The following NADK2 variants were observed in gnomAD, a reference collection of about 807,000 sequenced individuals.
The protein encoded by NADK2 is NAD kinase domain-containing protein 1, mitochondrial.
Under a neutral mutation model 62.1 loss-of-function variants are expected in NADK2, and 35 were observed. The observed-to-expected ratio is 0.56, with a 90% confidence interval of 0.43 to 0.75. The LOEUF is 0.75. NADK2 is among the 30% of genes least tolerant of loss of function. The pLI is 0.00. For synonymous variants in NADK2, 205 were observed against 207.9 expected, an observed-to-expected ratio of 0.99 and a Z score of 0.12; for missense variants, 439 against 561.3, an observed-to-expected ratio of 0.78 and a Z score of 2.20.
chr5:36,219,522 G>T, intron 5 of NADK2, 74 bp downstream of exon 5: 1 of 1,371,234 alleles, frequency 7.3e-7, no homozygotes, highest in Non-Finnish European at 1.0e-6. Context: ...GATTTGTTCT[G>T]TTTTTTAACA....
rs190440332 is a variant in NADK2 at position 36,227,517 on chromosome 5, T to C, written c.349A>G (p.Ile117Val). 2,049 of 1,558,524 alleles carry C rather than the reference T, an allele frequency of 1.3e-3. 2 individuals carry two copies. The highest frequency in any genetic ancestry group is 1.6e-3 in the Non-Finnish European group (1,828 of 1,151,534). The change falls in exon 2 of 12, where the codon ATT (isoleucine) becomes GTT (valine). Residue 117 changes from isoleucine (I) to valine (V), a missense_variant. Physicochemically the swap from Ile to Val is conservative, Grantham distance 29 (BLOSUM62 3). Transcript: ENST00000381937. ...ATATGTTCTACATTTTTGGTGTGAA[T>C]ATGATGTCGTTCAAGAAGTCCACTG... The part of the protein sequence containing the change: ...SYSGLLERHH[I>V]HTKNVEHIID...
intron 6 of NADK2, among the ~76,000 whole-genome samples, chr5:36,216,533 AATC>A (rs1320489967): frequency 6.6e-6 from 1 of 152,088 alleles, no homozygotes; most frequent in Non-Finnish European, 1.5e-5. Flanking sequence ...TGTTTTGAGA[AATC>A]ATCATGTATA....
At chr5:36,215,327 G>C (rs911131624) in intron 6 of NADK2, among the ~76,000 whole-genome samples, 3 of 152,202 alleles carry the variant, frequency 2.0e-5, no homozygotes, top group Admixed American at 1.3e-4. Context: ...CATACTAACT[G>C]TGTATATTTA....
At chr5:36,226,622 T>C in intron 2 of NADK2, 59 bp from the exon 3 acceptor site, 1 of 1,225,048 alleles carries the variant, frequency 8.2e-7, no homozygotes, top group Non-Finnish European at 1.2e-6. Context: ...ATAACAGGGG[T>C]ATGTTTTCTG....
In NADK2 at chr5:36,228,792, T is replaced by TA. The variant is rs1415075770; in HGVS notation, c.301-1228_301-1227insT. Reference sequence around the variant, plus strand: ...CACCACCACAACCAGCTAATTTATTTTATTTTTTTTTTTGGTAGAAATGGG... The same window carrying TA: ...CACCACCACAACCAGCTAATTTATTTATATTTTTTTTTTTGGTAGAAATGGG... On this transcript the variant is annotated intron_variant, in intron 1 of 11. Transcript: ENST00000381937. 1.8e-3 allele frequency among the ~76,000 whole-genome samples: 275 copies of TA among 149,404 alleles called. 1 individual carries two copies. Among genetic ancestry groups the TA allele is most frequent in the South Asian group, 5.1e-3 (24 of 4,662 alleles).
upstream of NADK2, chr5:36,242,146 C>A (rs1409405452): frequency 1.3e-5 from 2 of 154,464 alleles, no homozygotes; most frequent in African/African-American, 2.4e-5. Context: ...CCGCACCACA[C>A]GCTTCCCCGA....
chr5:36,208,640 G>C (rs1399121788), intron 7 of NADK2: 6 of 1,531,724 alleles, frequency 3.9e-6, no homozygotes, highest in Non-Finnish European at 5.2e-6. Context: ...CTTTAGAGTG[G>C]GTATACTTCT....
intron 4 of NADK2, among the ~76,000 whole-genome samples, chr5:36,224,324 A>G (rs1167476992): frequency 6.6e-6 from 1 of 152,172 alleles, no homozygotes; most frequent in Non-Finnish European, 1.5e-5. Flanking sequence ...TGGGAGGCCA[A>G]GGTGGGTGGA....
chr5:36,232,332 A>G (rs1747738948), intron 1 of NADK2, among the ~76,000 whole-genome samples: 1 of 152,224 alleles, frequency 6.6e-6, no homozygotes, highest in Admixed American at 6.5e-5. Flanking sequence ...TTTCTATGAT[A>G]GCTTAATAAG....
At chr5:36,203,610 A>G (rs1190685826) in intron 8 of NADK2, among the ~76,000 whole-genome samples, 2 of 152,092 alleles carry the variant, frequency 1.3e-5, no homozygotes, top group Non-Finnish European at 2.9e-5. Flanking sequence ...GAAGGCTGAG[A>G]TTTTAATCTA....
At position 36,205,735 on chromosome 5, in the gene NADK2, C is replaced by T. The variant is rs960201033; in HGVS notation, c.956+1435G>A. Among the ~76,000 whole-genome samples the T allele has an allele frequency of 5.9e-5, 9 of 152,006 alleles. No homozygotes were observed. Among genetic ancestry groups the T allele is most frequent in the East Asian group, 1.9e-4 (1 of 5,188 alleles). On this transcript the variant is annotated intron_variant, in intron 8 of 11. Coordinates refer to ENST00000381937, the MANE Select transcript of NADK2 (RefSeq NM_001085411.3). The surrounding 1 kb of genome is among the most constrained non-coding windows in gnomAD (Gnocchi z 4.1). The stretch of plus-strand genomic sequence containing the variant: ...GCAACCATTGTGGAAGACAGTGTGG[C>T]GATTCCTCAAGGATCTAGAACTAGA...
intron 5 of NADK2, 188 bp from the exon 6 acceptor site, chr5:36,218,072 T>C (rs1747115353): frequency 1.9e-6 from 1 of 516,884 alleles, no homozygotes. Context: ...ATTTATTCTC[T>C]TTTCAATTAT....
At chr5:36,218,523 A>G (rs1561066781) in intron 5 of NADK2, among the ~76,000 whole-genome samples, 1 of 152,210 alleles carries the variant, frequency 6.6e-6, no homozygotes, top group Non-Finnish European at 1.5e-5. Context: ...TAAATTAGCC[A>G]TTTCTTGTCA....
chr5:36,226,711 T>C (rs571342388), intron 2 of NADK2, 148 bp from the exon 3 acceptor site: 5 of 574,914 alleles, frequency 8.7e-6, no homozygotes, highest in South Asian at 2.5e-5. Flanking sequence ...TATAACATTA[T>C]CTTTGTTTTC....
At chr5:36,232,822 A>G (rs577795597) in intron 1 of NADK2, among the ~76,000 whole-genome samples, 58 of 152,310 alleles carry the variant, frequency 3.8e-4, no homozygotes, top group Non-Finnish European at 6.0e-4. Flanking sequence ...AGTATATCCC[A>G]GTAACCTTGA....
intron 5 of NADK2, among the ~76,000 whole-genome samples, chr5:36,218,978 C>T (rs748362853): frequency 5.9e-5 from 9 of 151,948 alleles, no homozygotes; most frequent in South Asian, 2.1e-4. Context: ...GGACATGTAA[C>T]GAGGTTAAGA....
At chr5:36,234,141 G>A (rs1048204764) in intron 1 of NADK2, among the ~76,000 whole-genome samples, 60 of 152,002 alleles carry the variant, frequency 3.9e-4, no homozygotes, top group Middle Eastern at 3.4e-3. Context: ...TTGGGAGGCC[G>A]AGACGGGCGG....
intron 1 of NADK2, among the ~76,000 whole-genome samples, chr5:36,230,853 G>A (rs1045325478): frequency 3.9e-5 from 6 of 152,124 alleles, no homozygotes; most frequent in African/African-American, 1.4e-4. Context: ...ACTACTAGTT[G>A]AACTTAATCA....
intron 1 of NADK2, among the ~76,000 whole-genome samples, chr5:36,240,920 C>G (rs1329223648): frequency 1.3e-5 from 2 of 152,222 alleles, no homozygotes; most frequent in African/African-American, 4.8e-5. Context: ...CCAACGACCA[C>G]GTTCCAGCAA....
Sources: gnomAD v4.1 joint callset for allele counts (sites outside exome capture counted in the v4.1 genomes callset) on GRCh38, gnomAD v4.1.1 for gene constraint, Gnocchi (gnomAD v3.1) non-coding constraint, MANE v1.5 for transcripts, NCBI Gene and HGNC (gene_info 2026-07-23, HGNC 2026-07-21) for gene names.